The following PCDHGA9 variants were observed in gnomAD, a reference collection of about 807,000 sequenced individuals.
The protein encoded by PCDHGA9 is protocadherin gamma subfamily A, 9, also known as protocadherin gamma-A9.
In PCDHGA9, 37 loss-of-function variants were observed where a neutral mutation model predicts 62.5. That is an observed-to-expected ratio of 0.59 (90% CI 0.46 to 0.78). The LOEUF (loss-of-function observed/expected upper bound fraction) is 0.78. Among genes scored for constraint, PCDHGA9 ranks in the 30% least tolerant of loss-of-function variants. PCDHGA9 has a pLI of 0.00. For missense variants in PCDHGA9, 1,138 were observed against 1,166.2 expected (o/e 0.98, Z 0.35); for synonymous variants, 459 against 484.6 (o/e 0.95, Z 0.69).
At chr5:141,470,001 C>T (rs753591964) in intron 1 of PCDHGA9, among the ~76,000 whole-genome samples, 6 of 152,006 alleles carry the variant, frequency 3.9e-5, no homozygotes, top group Admixed American at 1.3e-4. Context: ...CGTCGTGGCA[C>T]GCCTGTAATC....
chr5:141,431,333 C>T lies in PCDHGA9; in HGVS notation c.2424+25957C>T. 1 of 1,614,058 alleles carries T rather than the reference C, an allele frequency of 6.2e-7. No individual in the cohort carries two copies. Among genetic ancestry groups the T allele is most frequent in the Non-Finnish European group, 8.5e-7 (1 of 1,180,030 alleles). On this transcript the variant is annotated intron_variant, in intron 1 of 3. Coordinates refer to ENST00000573521, the MANE Select transcript of PCDHGA9 (RefSeq NM_018921.3). The surrounding 1 kb of genome is among the most constrained non-coding windows in gnomAD (Gnocchi z 4.8). ...AAATGGAGCCGACGGTAGTAAGTAC[C>T]CCGAATTGGTGCTGAAACGCGCCCT...
intron 1 of PCDHGA9, among the ~76,000 whole-genome samples, chr5:141,447,652 C>T (rs901761789): frequency 6.6e-6 from 1 of 151,972 alleles, no homozygotes; most frequent in African/African-American, 2.4e-5. Context: ...TAGAATTTTC[C>T]CCCCCAGGAA....
intron 1 of PCDHGA9, chr5:141,418,660 T>C (rs1377720154): frequency 6.2e-7 from 1 of 1,614,024 alleles, no homozygotes; most frequent in Admixed American, 1.7e-5. Context: ...TGAAGGCCAC[T>C]GACCAGGACG....
chr5:141,458,350 A>C (rs1259508706), intron 1 of PCDHGA9, among the ~76,000 whole-genome samples: 1 of 152,162 alleles, frequency 6.6e-6, no homozygotes, highest in East Asian at 1.9e-4. Flanking sequence ...GGAGAGTTTA[A>C]TAAGCAAGAA....
chr5:141,469,036 G>T (rs1396748159), intron 1 of PCDHGA9, among the ~76,000 whole-genome samples: 2 of 152,076 alleles, frequency 1.3e-5, no homozygotes, highest in Non-Finnish European at 2.9e-5. Flanking sequence ...CAGCACTTTG[G>T]GAGGCCAAGG....
intron 1 of PCDHGA9, chr5:141,440,531 C>G (rs931337116): frequency 6.6e-6 from 1 of 152,272 alleles, no homozygotes; most frequent in Middle Eastern, 3.4e-3. Flanking sequence ...GAATCATGCA[C>G]CACGGTTCAG....
In PCDHGA9 at chr5:141,431,779, G is replaced by A; in HGVS notation, c.2424+26403G>A. 2 of 1,614,232 alleles carry A rather than the reference G, an allele frequency of 1.2e-6. No individual in the cohort carries two copies. Among genetic ancestry groups the A allele is most frequent in the Non-Finnish European group, 1.7e-6 (2 of 1,180,030 alleles). ...AAGTCCTGATCACTGTTCTGGACGT[G>A]AACGACAATGCCCCAGAAGTGGTCC... On this transcript the variant is annotated intron_variant, in intron 1 of 3. Transcript: ENST00000573521. This position sits in a 1 kb window ranked among gnomAD's most constrained non-coding sequence, Gnocchi z 4.8.
intron 3 of PCDHGA9, among the ~76,000 whole-genome samples, chr5:141,510,117 T>C (rs1205620535): frequency 6.6e-6 from 1 of 151,908 alleles, no homozygotes; most frequent in East Asian, 1.9e-4. Context: ...TGTTTTGAAA[T>C]ACAAAAATTA....
chr5:141,498,971 G>GGGAAGGAAGGAAGGAAGGAAGGAA (rs201769957), intron 2 of PCDHGA9, among the ~76,000 whole-genome samples: 2 of 110,972 alleles, frequency 1.8e-5, no homozygotes, highest in African/African-American at 3.6e-5. Context: ...GAGGGAGGGA[G>GGGAAGGAAGGAAGGAAGGAAGGAA]GGAAGGAAGG....
At chr5:141,424,198 C>A (rs116187844) in intron 1 of PCDHGA9, 2 of 181,904 alleles carry the variant, frequency 1.1e-5, no homozygotes, top group South Asian at 1.9e-4. Context: ...CACTTATACA[C>A]GTAAGCTTTT....
In PCDHGA9 at chr5:141,490,701, C is replaced by T; in HGVS notation, c.2425-4106C>T. On this transcript the variant is annotated intron_variant, in intron 1 of 3. Transcript: ENST00000573521. This position sits in a 1 kb window ranked among gnomAD's most constrained non-coding sequence, Gnocchi z 5.4. Reference sequence around the variant, plus strand: ...CAGATCCAGACACTGGGGATAATGCCCGCCTCACCTACTCCATTGTAGGAA... The same window carrying T: ...CAGATCCAGACACTGGGGATAATGCTCGCCTCACCTACTCCATTGTAGGAA... The T allele has an allele frequency of 6.2e-7, 1 of 1,614,184 alleles. No individual in the cohort carries two copies. The highest frequency in any genetic ancestry group is 8.5e-7 in the Non-Finnish European group (1 of 1,180,008).
chr5:141,423,897 T>G, intron 1 of PCDHGA9: 7 of 1,278,866 alleles, frequency 5.5e-6, no homozygotes, highest in Non-Finnish European at 6.9e-6. Flanking sequence ...TTTCTTTTGA[T>G]TTCAAAGGGG....
Position 141,476,974 on chromosome 5 carries a change from C to G in PCDHGA9, c.2425-17833C>G. 1 of 1,614,268 alleles carries G rather than the reference C, an allele frequency of 6.2e-7. No homozygotes were observed. The highest frequency in any genetic ancestry group is 1.3e-5 in the African/African-American group (1 of 75,080). On this transcript the variant is annotated intron_variant, in intron 1 of 3. Coordinates refer to ENST00000573521, the MANE Select transcript of PCDHGA9 (RefSeq NM_018921.3). This position sits in a 1 kb window ranked among gnomAD's most constrained non-coding sequence, Gnocchi z 7.6. ...AAATTATTTACTCCTTCGGCAGCCA[C>G]AACCGCGCCGGCGTGCGGCAACTAT...
At chr5:141,438,635 T>TAC (rs56854727) in intron 1 of PCDHGA9, among the ~76,000 whole-genome samples, 5 of 33,422 alleles carry the variant, frequency 1.5e-4, no homozygotes, top group Admixed American at 8.3e-4. Flanking sequence ...TATATATATA[T>TAC]ACACACACAC....
In PCDHGA9 at chr5:141,485,990, C is replaced by T. The variant is rs1285988124; in HGVS notation, c.2425-8817C>T. 2.5e-6 allele frequency: 4 copies of T among 1,614,168 alleles called. No homozygotes were observed. The stretch of plus-strand genomic sequence containing the variant: ...CAATGCCTCAGACCCGGACCTGGGT[C>T]CCAGTGGTAACGTCACCTTTTATTT... On this transcript the variant is annotated intron_variant, in intron 1 of 3. Coordinates refer to ENST00000573521, the MANE Select transcript of PCDHGA9 (RefSeq NM_018921.3). This position sits in a 1 kb window ranked among gnomAD's most constrained non-coding sequence, Gnocchi z 5.7.
At position 141,511,112 on chromosome 5, in the gene PCDHGA9, G is replaced by A. The variant is rs767257788; in HGVS notation, c.2738G>A (p.Gly913Asp). The change falls in exon 4 of 4, where the codon GGC (glycine) becomes GAC (aspartate). Residue 913 changes from glycine (G) to aspartate (D), a missense_variant. Transcript: ENST00000573521. ...ACCAACGCAGCTGGCAAGCGGGATGGCAAGGCCCCAGCAGGTGGCAATGGC... is the reference window on the plus strand; with the variant it reads ...ACCAACGCAGCTGGCAAGCGGGATGACAAGGCCCCAGCAGGTGGCAATGGC... The part of the protein sequence containing the change: ...TLTNAAGKRD[G>D]KAPAGGNGNK... 1 of 1,614,232 alleles carries A rather than the reference G, an allele frequency of 6.2e-7. No individual in the cohort carries two copies.
chr5:141,506,180 G>T (rs548366782), intron 3 of PCDHGA9, among the ~76,000 whole-genome samples: 44 of 152,294 alleles, frequency 2.9e-4, no homozygotes, highest in Non-Finnish European at 5.7e-4. Context: ...GCTGGGCGTG[G>T]TGGCTCACGC....
intron 1 of PCDHGA9, chr5:141,478,111 A>G (rs2099430294): frequency 1.2e-6 from 2 of 1,613,982 alleles, no homozygotes; most frequent in Admixed American, 1.7e-5. Context: ...TCACTGTGTC[A>G]GTAACCGAGG....
rs780541121 is a variant in PCDHGA9 at position 141,477,533 on chromosome 5, G to T, written c.2425-17274G>T. ...TTACATTGAAGAAAACAACCTCCCCGGGGCTCCAATACTAAACCTAAGTGT... is the reference window on the plus strand; with the variant it reads ...TTACATTGAAGAAAACAACCTCCCCTGGGCTCCAATACTAAACCTAAGTGT... On this transcript the variant is annotated intron_variant, in intron 1 of 3. Coordinates refer to ENST00000573521, the MANE Select transcript of PCDHGA9 (RefSeq NM_018921.3). This position sits in a 1 kb window ranked among gnomAD's most constrained non-coding sequence, Gnocchi z 4.9. 6.2e-7 allele frequency: 1 copy of T among 1,614,010 alleles called. No homozygotes were observed. The highest frequency in any genetic ancestry group is 1.1e-5 in the South Asian group (1 of 91,066).
Sources: gnomAD v4.1 joint callset for allele counts (sites outside exome capture counted in the v4.1 genomes callset) on GRCh38, gnomAD v4.1.1 for gene constraint, Gnocchi (gnomAD v3.1) non-coding constraint, MANE v1.5 for transcripts, NCBI Gene and HGNC (gene_info 2026-07-23, HGNC 2026-07-21) for gene names.